The following NCOA2 variants were observed in gnomAD, a reference collection of about 807,000 sequenced individuals.
NCOA2 encodes nuclear receptor coactivator 2, also known as class E basic helix-loop-helix protein 75.
NCOA2 carries 21 observed loss-of-function variants against 145.1 expected under a neutral mutation model. The ratio of observed to expected loss-of-function variants is 0.14; its 90% CI spans 0.10 to 0.21. The LOEUF is 0.21. Ranked by LOEUF, NCOA2 falls within the 10% of genes least tolerant of loss-of-function variation. NCOA2 has a pLI of 1.00. For missense variants in NCOA2, 1,472 were observed against 1,837.6 expected (o/e 0.80, Z 3.64); for synonymous variants, 619 against 637.5 (o/e 0.97, Z 0.44).
the NCOA2 span, among the ~76,000 whole-genome samples, chr8:70,417,595 T>G: frequency 6.6e-6 from 1 of 151,908 alleles, no homozygotes; most frequent in African/African-American, 2.4e-5. Context: ...AAAACTACCT[T>G]CTTTCATTAT....
intron 9 of NCOA2, among the ~76,000 whole-genome samples, chr8:70,160,031 T>G (rs1812766440): frequency 6.6e-6 from 1 of 152,200 alleles, no homozygotes; most frequent in African/African-American, 2.4e-5. Context: ...AGGGTATCTC[T>G]TACGTATACA....
chr8:70,385,396 G>GA (rs1297850761), intron 1 of NCOA2, among the ~76,000 whole-genome samples: 2 of 152,116 alleles, frequency 1.3e-5, no homozygotes, highest in African/African-American at 4.8e-5. Context: ...TCACAGAACT[G>GA]AAAAACAAAT....
intron 2 of NCOA2, among the ~76,000 whole-genome samples, chr8:70,268,635 T>C (rs956695317): frequency 1.3e-5 from 2 of 152,194 alleles, no homozygotes; most frequent in South Asian, 2.1e-4. Context: ...TTATTAGCTA[T>C]GTTAACTTAA....
chr8:70,116,508 G>A (rs1289580757), intron 22 of NCOA2, among the ~76,000 whole-genome samples: 2 of 151,594 alleles, frequency 1.3e-5, no homozygotes, highest in South Asian at 2.1e-4. Flanking sequence ...CTAAGATCGC[G>A]CCACTGCACT....
intron 4 of NCOA2, among the ~76,000 whole-genome samples, chr8:70,187,440 AG>A (rs1816201119): frequency 2.6e-5 from 4 of 152,244 alleles, no homozygotes. Context: ...CTCAAATACA[AG>A]GACTGTTTAA....
intron 1 of NCOA2, among the ~76,000 whole-genome samples, chr8:70,373,166 A>G (rs1170377627): frequency 6.6e-6 from 1 of 152,212 alleles, no homozygotes; most frequent in Non-Finnish European, 1.5e-5. Flanking sequence ...TTTACAAGAC[A>G]CTTTCTAAAA....
rs894836784 is a variant in NCOA2 at position 70,392,693 on chromosome 8, C to T, written c.-77+11007G>A. 7.2e-5 allele frequency among the ~76,000 whole-genome samples: 11 copies of T among 152,276 alleles called. 1 individual carries two copies. Among genetic ancestry groups the T allele is most frequent in the Middle Eastern group, 3.4e-3 (1 of 294 alleles). On this transcript the variant is annotated intron_variant, in intron 1 of 22. Coordinates refer to ENST00000452400, the MANE Select transcript of NCOA2 (RefSeq NM_006540.4). ...GTTTTGTTTTATTACCTTTTCAGAA[C>T]TACTGAATTTCCCCAAGGTTTTCTT...
the NCOA2 span, among the ~76,000 whole-genome samples, chr8:70,428,416 T>C: frequency 1.5e-5 from 2 of 132,480 alleles, no homozygotes; most frequent in African/African-American, 5.0e-5. Context: ...GCTATAATCA[T>C]GCCACTTCAC....
At chr8:70,219,607 A>G (rs1819959226) in intron 2 of NCOA2, among the ~76,000 whole-genome samples, 1 of 151,914 alleles carries the variant, frequency 6.6e-6, no homozygotes, top group East Asian at 1.9e-4. Context: ...AATCACCCAT[A>G]AAAACAAAAA....
chr8:70,373,267 C>T (rs1394026529), intron 1 of NCOA2, among the ~76,000 whole-genome samples: 2 of 152,186 alleles, frequency 1.3e-5, no homozygotes, highest in African/African-American at 4.8e-5. Flanking sequence ...GGTATTCTCA[C>T]ATTTTTCTTA....
intron 3 of NCOA2, 96 bp from the exon 4 acceptor site, chr8:70,214,171 CA>C (rs1423273591): frequency 1.8e-6 from 2 of 1,123,366 alleles, no homozygotes; most frequent in Non-Finnish European, 2.6e-6. Context: ...AGATAGCAAA[CA>C]AAAGCTACCT....
At chr8:70,259,376 A>G (rs913115241) in intron 2 of NCOA2, among the ~76,000 whole-genome samples, 1 of 152,234 alleles carries the variant, frequency 6.6e-6, no homozygotes, top group African/African-American at 2.4e-5. Flanking sequence ...TAAGTATATT[A>G]TAAACATGAA....
the NCOA2 span, among the ~76,000 whole-genome samples, chr8:70,451,237 A>AATAT: frequency 1.3e-3 from 89 of 69,492 alleles, 3 homozygotes; most frequent in African/African-American, 4.1e-3. Context: ...AAAAAAAAAA[A>AATAT]ATATATATAT....
chr8:70,298,309 A>G (rs1827232899), intron 1 of NCOA2, among the ~76,000 whole-genome samples: 2 of 152,330 alleles, frequency 1.3e-5, no homozygotes, highest in South Asian at 2.1e-4. Flanking sequence ...AGAAACAGAA[A>G]AAGATGGCAT....
chr8:70,284,762 A>G (rs958496810), intron 2 of NCOA2, among the ~76,000 whole-genome samples: 22 of 152,078 alleles, frequency 1.4e-4, no homozygotes, highest in African/African-American at 5.3e-4. Flanking sequence ...GATTGTTAGG[A>G]AAGAAGCTTT....
At position 70,128,881 on chromosome 8, in the gene NCOA2, G is replaced by T. The variant is rs1187365241; in HGVS notation, c.3424C>A (p.Gln1142Lys). ...VFPQQYASQA[Q>K]MAQGSYSPMQ... The stretch of plus-strand genomic sequence containing the variant: ...GGAGAATAGCTACCCTGGGCCATTT[G>T]TGCCTGAGATGCATACTGCTGTGGG... The change falls in exon 17 of 23, where the codon CAA becomes AAA. Residue 1142 changes from glutamine (Q) to lysine (K), a missense_variant. Transcript: ENST00000452400. The T allele has an allele frequency of 6.2e-7, 1 of 1,613,954 alleles. No homozygotes were observed. The highest frequency in any genetic ancestry group is 1.1e-5 in the South Asian group (1 of 91,074).
chr8:70,275,623 C>A (rs949985639), intron 2 of NCOA2, among the ~76,000 whole-genome samples: 1 of 151,810 alleles, frequency 6.6e-6, no homozygotes, highest in East Asian at 1.9e-4. Flanking sequence ...ACAAGCTTAG[C>A]GGAGAAAATA....
chr8:70,385,589 GC>G (rs1812587908), intron 1 of NCOA2, among the ~76,000 whole-genome samples: 2 of 152,110 alleles, frequency 1.3e-5, no homozygotes, highest in Non-Finnish European at 2.9e-5. Context: ...ACCTCACCCA[GC>G]TAATTTTGTT....
intron 3 of NCOA2, among the ~76,000 whole-genome samples, chr8:70,215,574 T>A (rs1379132610): frequency 6.6e-6 from 1 of 152,224 alleles, no homozygotes; most frequent in Non-Finnish European, 1.5e-5. Flanking sequence ...ACTGGTGTTT[T>A]GCCCTTTCTC....
Sources: allele counts gnomAD v4.1 joint callset (sites outside exome capture counted in the v4.1 genomes callset), GRCh38; gene constraint gnomAD v4.1.1; transcripts MANE v1.5; gene names NCBI Gene and HGNC (gene_info 2026-07-23, HGNC 2026-07-21).